The following MPP7 variants were observed in gnomAD, a reference collection of about 807,000 sequenced individuals.
MPP7 encodes MAGUK p55 subfamily member 7.
Under a neutral mutation model 76.5 loss-of-function variants are expected in MPP7, and 60 were observed. That is an observed-to-expected ratio of 0.78 (90% CI 0.64 to 0.97). MPP7 has a LOEUF of 0.97. Ranked by LOEUF, MPP7 falls within the 50% of genes least tolerant of loss-of-function variation. MPP7 has a pLI of 0.00. For synonymous variants in MPP7, 237 were observed against 244.5 expected (o/e 0.97, Z 0.29); for missense variants, 641 against 694.0 (o/e 0.92, Z 0.86).
At chr10:28,296,092 A>C (rs1166091558) in intron 1 of MPP7, among the ~76,000 whole-genome samples, 1 of 152,232 alleles carries the variant, frequency 6.6e-6, no homozygotes, top group Non-Finnish European at 1.5e-5. Flanking sequence ...ACTTAGTCCA[A>C]GCTTGGACCA....
At chr10:28,156,455 G>A (rs1022779272) in intron 3 of MPP7, among the ~76,000 whole-genome samples, 2 of 152,036 alleles carry the variant, frequency 1.3e-5, no homozygotes, top group East Asian at 1.9e-4. Flanking sequence ...AAGATTAATC[G>A]GTATCACCTA....
chr10:28,333,002 A>G (rs1834484938), intron 1 of MPP7, among the ~76,000 whole-genome samples: 1 of 152,012 alleles, frequency 6.6e-6, no homozygotes, highest in Admixed American at 6.6e-5. Flanking sequence ...CAAGTGTCCA[A>G]CAGCTGATAC....
intron 11 of MPP7, among the ~76,000 whole-genome samples, chr10:28,092,576 C>CATTTTTTTTTT (rs1564626626): frequency 3.0e-5 from 3 of 101,604 alleles, no homozygotes; most frequent in African/African-American, 1.3e-4. Flanking sequence ...AGAAAAGGGA[C>CATTTTTTTTTT]CTTTTTTTTT....
At chr10:28,108,464 G>C (rs1479202719) in intron 11 of MPP7, among the ~76,000 whole-genome samples, 1 of 151,960 alleles carries the variant, frequency 6.6e-6, no homozygotes, top group African/African-American at 2.4e-5. Flanking sequence ...AGACCAGCCT[G>C]GGCAACATGG....
chr10:28,107,735 C>G (rs12220659), intron 11 of MPP7, among the ~76,000 whole-genome samples: 17,359 of 152,098 alleles, frequency 0.11, 1,663 homozygotes, highest in East Asian at 0.5. Flanking sequence ...CTGAGCACCC[C>G]CAAACCAACC....
intron 1 of MPP7, among the ~76,000 whole-genome samples, chr10:28,266,641 G>T (rs887893551): frequency 1.3e-5 from 2 of 152,108 alleles, no homozygotes; most frequent in Non-Finnish European, 1.5e-5. Flanking sequence ...AATAGATGCT[G>T]GTTTCCTTAT....
intron 2 of MPP7, among the ~76,000 whole-genome samples, chr10:28,311,064 G>A (rs977495318): frequency 2.0e-5 from 3 of 152,210 alleles, no homozygotes; most frequent in African/African-American, 4.8e-5. Context: ...GACATAGCAA[G>A]AATCTAGTGA....
intron 5 of MPP7, among the ~76,000 whole-genome samples, chr10:28,137,989 T>C (rs939865165): frequency 6.6e-6 from 1 of 152,250 alleles, no homozygotes; most frequent in Non-Finnish European, 1.5e-5. Context: ...AGAAGGAGCT[T>C]AACTTTTTCC....
At chr10:28,070,636 C>A (rs1381537580) in intron 12 of MPP7, among the ~76,000 whole-genome samples, 1 of 152,138 alleles carries the variant, frequency 6.6e-6, no homozygotes, top group Non-Finnish European at 1.5e-5. Flanking sequence ...TTTTCCTGTA[C>A]TATAGACTTC....
intron 1 of MPP7, among the ~76,000 whole-genome samples, chr10:28,254,004 GAAAAAAAAAAAAA>G (rs199511617): frequency 8.8e-4 from 81 of 92,340 alleles, no homozygotes; most frequent in African/African-American, 2.8e-3. Flanking sequence ...TCACAAAAAA[GAAAAAAAAAAAAA>G]AAAAAAAAAA....
chr10:28,087,396 T>C (rs1853068110), intron 12 of MPP7, among the ~76,000 whole-genome samples: 3 of 152,106 alleles, frequency 2.0e-5, no homozygotes, highest in Admixed American at 6.6e-5. Flanking sequence ...CCTTTTTTTT[T>C]CTTTCTTTCT....
chr10:28,092,492 C>T (rs900569464), intron 11 of MPP7, among the ~76,000 whole-genome samples: 4 of 151,648 alleles, frequency 2.6e-5, no homozygotes, highest in African/African-American at 7.3e-5. Context: ...CTATGTAAAG[C>T]GCCAGAGAAA....
intron 2 of MPP7, among the ~76,000 whole-genome samples, chr10:28,232,235 G>A (rs143549895): frequency 5.9e-5 from 9 of 152,094 alleles, no homozygotes; most frequent in Admixed American, 3.3e-4. Flanking sequence ...GGTGGCATGC[G>A]CCTAAAGTCC....
chr10:28,310,084 C>A (rs894829583), intron 2 of MPP7, among the ~76,000 whole-genome samples: 1 of 150,516 alleles, frequency 6.6e-6, no homozygotes, highest in Non-Finnish European at 1.5e-5. Flanking sequence ...TCACTGCAAC[C>A]TCTGCCTCCT....
intron 5 of MPP7, among the ~76,000 whole-genome samples, chr10:28,132,214 T>G (rs1835216629): frequency 1.3e-5 from 2 of 152,172 alleles, no homozygotes; most frequent in Admixed American, 1.3e-4. Context: ...GTGTAATTGG[T>G]GACTACTATG....
intron 1 of MPP7, among the ~76,000 whole-genome samples, chr10:28,247,697 T>G (rs1033321122): frequency 7.9e-5 from 12 of 152,314 alleles, no homozygotes; most frequent in Admixed American, 5.9e-4. Flanking sequence ...GATAAGCCCT[T>G]CAAACAATTC....
intron 13 of MPP7, among the ~76,000 whole-genome samples, chr10:28,061,312 A>G (rs1851776037): frequency 6.6e-6 from 1 of 152,120 alleles, no homozygotes; most frequent in African/African-American, 2.4e-5. Context: ...ATATACTTGA[A>G]TTGAACAAAA....
chr10:28,332,080 G>A (rs1423476153), intron 1 of MPP7, among the ~76,000 whole-genome samples: 1 of 152,186 alleles, frequency 6.6e-6, no homozygotes, highest in Non-Finnish European at 1.5e-5. Context: ...TGGTACTGGT[G>A]TGGGTTATTC....
chr10:28,142,500 G>A (rs1211781278), intron 5 of MPP7, among the ~76,000 whole-genome samples: 1 of 152,144 alleles, frequency 6.6e-6, no homozygotes, highest in African/African-American at 2.4e-5. Flanking sequence ...GGAGGACTAG[G>A]TGAGTGGATC....
Sources: allele counts gnomAD v4.1 joint callset (sites outside exome capture counted in the v4.1 genomes callset), GRCh38; gene constraint gnomAD v4.1.1; transcripts MANE v1.5; gene names NCBI Gene and HGNC (gene_info 2026-07-23, HGNC 2026-07-21).